PCSK5: variants seen among roughly 807,000 people sequenced by gnomAD.
The protein encoded by PCSK5 is prohormone convertase 5.
A neutral mutation model predicts 233.2 loss-of-function variants in PCSK5; 129 were observed. That is an observed-to-expected ratio of 0.55 (90% CI 0.48 to 0.64). The LOEUF (loss-of-function observed/expected upper bound fraction) is 0.64, where lower values mean the gene tolerates loss of function less well. PCSK5 is among the 30% of genes least tolerant of loss of function. PCSK5 has a pLI of 0.00. For synonymous variants in PCSK5, 825 were observed against 879.2 expected, an observed-to-expected ratio of 0.94 and a Z score of 1.09; for missense variants, 2,076 against 2,430.1, an observed-to-expected ratio of 0.85 and a Z score of 3.06.
At chr9:75,948,021 AT>A (rs1349755235) in intron 2 of PCSK5, among the ~76,000 whole-genome samples, 2 of 151,560 alleles carry the variant, frequency 1.3e-5, no homozygotes, top group Non-Finnish European at 2.9e-5. Context: ...TTTTTTTTAA[AT>A]TTTTTGTACA....
chr9:76,165,163 C>G (rs759573533), intron 12 of PCSK5, among the ~76,000 whole-genome samples: 5 of 152,062 alleles, frequency 3.3e-5, no homozygotes, highest in African/African-American at 7.2e-5. Context: ...ATGAGTTCTT[C>G]AAGCTCTACC....
chr9:76,148,068 A>G (rs1354479650), intron 10 of PCSK5, among the ~76,000 whole-genome samples: 1 of 151,644 alleles, frequency 6.6e-6, no homozygotes, highest in Non-Finnish European at 1.5e-5. Context: ...ATTCTTTGCA[A>G]TCTTGTTTCT....
At chr9:76,124,126 G>A (rs905924195) in intron 9 of PCSK5, among the ~76,000 whole-genome samples, 1 of 152,100 alleles carries the variant, frequency 6.6e-6, no homozygotes, top group African/African-American at 2.4e-5. Flanking sequence ...TTCAGAGCCT[G>A]GGCCCTGAAG....
rs552438272 is a variant in PCSK5 at position 76,175,891 on chromosome 9, G to A, written c.1900+762G>A. On this transcript the variant is annotated intron_variant, in intron 14 of 37. Coordinates refer to ENST00000674117, the MANE Select transcript of PCSK5 (RefSeq NM_001372043.1). ...AACTGTCTTATCCATTTTTCTATTC[G>A]AAGTACAGTAATCCTCTTATCTCCT... Among the ~76,000 whole-genome samples the A allele has an allele frequency of 7.9e-5, 12 of 151,826 alleles. No individual in the cohort carries two copies. The South Asian group carries it at 8.3e-4, about 10-fold the overall frequency.
At chr9:76,136,829 AAAGC>A (rs1823002996) in intron 10 of PCSK5, among the ~76,000 whole-genome samples, 1 of 152,074 alleles carries the variant, frequency 6.6e-6, no homozygotes, top group South Asian at 2.1e-4. Flanking sequence ...CTCATCACGT[AAAGC>A]AGAAGCCACT....
intron 5 of PCSK5, among the ~76,000 whole-genome samples, chr9:76,063,247 A>T (rs1170963090): frequency 2.2e-5 from 3 of 135,530 alleles, no homozygotes; most frequent in Non-Finnish European, 4.7e-5. Context: ...TGATTCTCCC[A>T]CCTTAGCCTC....
intron 35 of PCSK5, among the ~76,000 whole-genome samples, chr9:76,340,516 G>A (rs1829798072): frequency 6.6e-6 from 1 of 151,034 alleles, no homozygotes; most frequent in South Asian, 2.1e-4. Flanking sequence ...GTAGTGGCGG[G>A]TGCCTGTAAT....
chr9:76,112,914 A>C (rs1005209614), intron 9 of PCSK5, among the ~76,000 whole-genome samples: 1 of 152,146 alleles, frequency 6.6e-6, no homozygotes, highest in African/African-American at 2.4e-5. Flanking sequence ...GTTCCATAGA[A>C]ATTTGTATCC....
chr9:76,008,036 C>T (rs370821127), intron 3 of PCSK5, among the ~76,000 whole-genome samples: 12 of 152,056 alleles, frequency 7.9e-5, no homozygotes, highest in African/African-American at 2.9e-4. Flanking sequence ...TGCTCCTTTG[C>T]ACTCTGAGCT....
intron 3 of PCSK5, among the ~76,000 whole-genome samples, chr9:76,022,372 G>A (rs1828232288): frequency 6.6e-6 from 1 of 152,174 alleles, no homozygotes; most frequent in South Asian, 2.1e-4. Flanking sequence ...GTGAATCCAT[G>A]GCAGTGAAGT....
intron 1 of PCSK5, among the ~76,000 whole-genome samples, chr9:75,911,186 C>T (rs150818138): frequency 3.4e-5 from 4 of 117,814 alleles, no homozygotes; most frequent in Non-Finnish European, 6.6e-5. Context: ...TGATACATTG[C>T]GTGTGAACAT....
chr9:76,252,626 G>A (rs575301891), intron 24 of PCSK5, among the ~76,000 whole-genome samples: 10 of 152,276 alleles, frequency 6.6e-5, no homozygotes, highest in East Asian at 3.9e-4. Context: ...CTTCAGTTTC[G>A]TTTACCTCTA....
chr9:76,072,176 C>T (rs994139951), intron 7 of PCSK5, among the ~76,000 whole-genome samples: 16 of 152,190 alleles, frequency 1.1e-4, no homozygotes, highest in Non-Finnish European at 2.1e-4. Flanking sequence ...GTTAATCTTG[C>T]ATTTGGAGAA....
At chr9:76,132,704 G>T (rs955851595) in intron 9 of PCSK5, among the ~76,000 whole-genome samples, 16 of 151,982 alleles carry the variant, frequency 1.1e-4, no homozygotes, top group African/African-American at 3.9e-4. Flanking sequence ...CAGGCACAAG[G>T]TTAAGTACTT....
chr9:76,233,321 A>G, intron 21 of PCSK5, 139 bp from the exon 22 acceptor site: 1 of 789,486 alleles, frequency 1.3e-6, no homozygotes, highest in Non-Finnish European at 2.0e-6. Flanking sequence ...TTCTAAGATG[A>G]TCACTCCCAG....
At chr9:76,143,516 G>A (rs1007605959) in intron 10 of PCSK5, among the ~76,000 whole-genome samples, 2 of 152,046 alleles carry the variant, frequency 1.3e-5, no homozygotes, top group East Asian at 1.9e-4. Context: ...TTGTTCCTAT[G>A]ATATGTCTTA....
chr9:76,203,241 T>C lies in PCSK5; in HGVS notation c.2626+13495T>C, dbSNP rs571793226. Among the ~76,000 whole-genome samples, 281 of 152,186 alleles carry C rather than the reference T, an allele frequency of 1.8e-3. 1 individual carries two copies. Among genetic ancestry groups the C allele is most frequent in the South Asian group, 7.1e-3 (34 of 4,810 alleles). ...ATTGGCACAAACTCATTAAAGCCAA[T>C]GCTTTAGGACCCTGCCACTAAAAGT... On this transcript the variant is annotated intron_variant, in intron 20 of 37. Coordinates refer to ENST00000674117, the MANE Select transcript of PCSK5 (RefSeq NM_001372043.1).
intron 20 of PCSK5, among the ~76,000 whole-genome samples, chr9:76,204,955 A>G (rs1014100376): frequency 1.3e-5 from 2 of 152,112 alleles, no homozygotes; most frequent in African/African-American, 4.8e-5. Context: ...GTCACAGACT[A>G]TGTTGGAAGT....
At chr9:76,215,475 CGATA>C (rs1281907820) in intron 20 of PCSK5, among the ~76,000 whole-genome samples, 1 of 152,058 alleles carries the variant, frequency 6.6e-6, no homozygotes, top group Non-Finnish European at 1.5e-5. Flanking sequence ...CCAGGACCCC[CGATA>C]TGGGGCCCAG....
Sources: gnomAD v4.1 joint callset for allele counts (sites outside exome capture counted in the v4.1 genomes callset) on GRCh38, gnomAD v4.1.1 for gene constraint, MANE v1.5 for transcripts, NCBI Gene and HGNC (gene_info 2026-07-23, HGNC 2026-07-21) for gene names.